Variants in CLDN14 observed in about 807,000 individuals in gnomAD.
CLDN14 encodes the protein claudin 14.
CLDN14 carries 2 observed loss-of-function variants against 2.1 expected under a neutral mutation model. The observed-to-expected ratio is 0.96, with a 90% confidence interval of 0.39 to 3.01. The LOEUF (loss-of-function observed/expected upper bound fraction) is 3.01, where lower values mean the gene tolerates loss of function less well. Ranked by LOEUF, CLDN14 falls within the 30% of genes most tolerant of loss-of-function variation. The probability of loss-of-function intolerance (pLI) is 0.09; values close to 1 mark genes in which losing one functional copy is unlikely to be tolerated. For synonymous variants in CLDN14, 136 were observed against 154.4 expected, an observed-to-expected ratio of 0.88 and a Z score of 0.88; for missense variants, 298 against 328.0, an observed-to-expected ratio of 0.91 and a Z score of 0.71.
intron 1 of CLDN14, among the ~76,000 whole-genome samples, chr21:36,530,173 T>C (rs1656282575): frequency 6.6e-6 from 1 of 152,260 alleles, no homozygotes; most frequent in African/African-American, 2.4e-5. Context: ...TGGTTTATTT[T>C]TAACAAGGGT....
chr21:36,498,164 C>G lies in CLDN14; in HGVS notation c.-82+12199G>C, dbSNP rs1014402106. On this transcript the variant is annotated intron_variant, in intron 2 of 2. Transcript: ENST00000342108. This position sits in a 1 kb window ranked among gnomAD's most constrained non-coding sequence, Gnocchi z 4.9. ...TACAGGCACCCACCACCATGCCCAGCTAATTTTTGTATTCTTAGTAGAGAT... is the reference window on the plus strand; with the variant it reads ...TACAGGCACCCACCACCATGCCCAGGTAATTTTTGTATTCTTAGTAGAGAT... 1.3e-5 allele frequency among the ~76,000 whole-genome samples: 2 copies of G among 151,878 alleles called. No homozygotes were observed. Among genetic ancestry groups the G allele is most frequent in the Non-Finnish European group, 2.9e-5 (2 of 68,010 alleles).
At chr21:36,569,136 G>A (rs1002129992) in intron 1 of CLDN14, among the ~76,000 whole-genome samples, 6 of 152,224 alleles carry the variant, frequency 3.9e-5, no homozygotes, top group South Asian at 2.1e-4. Flanking sequence ...AAATAGTCTC[G>A]GGGTGGGGGC....
At chr21:36,515,333 T>A (rs1159174436) in intron 1 of CLDN14, among the ~76,000 whole-genome samples, 1 of 152,018 alleles carries the variant, frequency 6.6e-6, no homozygotes, top group African/African-American at 2.4e-5. Flanking sequence ...AATGGATAAA[T>A]CAAATATGAT....
chr21:36,575,488 C>T (rs1423284395), intron 1 of CLDN14, among the ~76,000 whole-genome samples: 1 of 152,128 alleles, frequency 6.6e-6, no homozygotes, highest in Non-Finnish European at 1.5e-5. Flanking sequence ...GGTTTTGACT[C>T]TAGATAGCTT....
At chr21:36,478,208 T>C (rs1185159876) in intron 1 of CLDN14, among the ~76,000 whole-genome samples, 2 of 152,240 alleles carry the variant, frequency 1.3e-5, no homozygotes, top group Non-Finnish European at 2.9e-5. Flanking sequence ...TTCCTTTTTA[T>C]AGATTTTTCT....
At chr21:36,463,190 C>G (rs932229434) in intron 1 of CLDN14, among the ~76,000 whole-genome samples, 5 of 152,204 alleles carry the variant, frequency 3.3e-5, no homozygotes, top group African/African-American at 9.7e-5. Flanking sequence ...CCTGGCTGCG[C>G]CCATCCAGTG....
chr21:36,491,399 G>A lies in CLDN14; in HGVS notation c.-82+18964C>T, dbSNP rs7280279. Among the ~76,000 whole-genome samples, 373 of 152,300 alleles carry A rather than the reference G, an allele frequency of 2.4e-3. 1 individual carries two copies. Among genetic ancestry groups the A allele is most frequent in the African/African-American group, 8.3e-3 (345 of 41,568 alleles). ...AGCAACACACAAAGCTTTCAAAAGC[G>A]AAACGGCGAGGAATGTAGTGCGTGT... is the stretch of plus-strand genomic sequence containing the variant. On this transcript the variant is annotated intron_variant, in intron 2 of 2. Transcript: ENST00000342108.
chr21:36,523,746 T>TA (rs775431075), intron 1 of CLDN14, among the ~76,000 whole-genome samples: 26,481 of 42,828 alleles, frequency 0.62, 9,096 homozygotes, highest in Non-Finnish European at 0.75. Context: ...AGACTCCATC[T>TA]AAAAAAAAAA....
chr21:36,552,961 C>T (rs2087572998), intron 1 of CLDN14, among the ~76,000 whole-genome samples: 1 of 152,330 alleles, frequency 6.6e-6, no homozygotes, highest in African/African-American at 2.4e-5. Context: ...CTTGGGGGTG[C>T]AGAGGCCCCT....
chr21:36,461,437 A>T lies in CLDN14; in HGVS notation c.259T>A (p.Ser87Thr). 1 of 1,613,306 alleles carries T rather than the reference A, an allele frequency of 6.2e-7. No individual in the cohort carries two copies. Among genetic ancestry groups the T allele is most frequent in the South Asian group, 1.1e-5 (1 of 91,074 alleles). ...LQAARALMVI[S>T]CLLSGIACAC... Reference sequence around the variant, plus strand: ...CAGGCTATGCCCGAGAGCAGGCAGGAGATGACCATGAGGGCGCGGGCAGCC... The same window carrying T: ...CAGGCTATGCCCGAGAGCAGGCAGGTGATGACCATGAGGGCGCGGGCAGCC... The change falls in exon 2 of 2, where the codon TCC (serine) becomes ACC (threonine). Residue 87 changes from serine to threonine, a missense_variant. By Grantham distance (58) the Ser-to-Thr change is moderately conservative. Coordinates refer to ENST00000399135, the MANE Select transcript of CLDN14 (RefSeq NM_001146079.2).
chr21:36,570,087 A>G (rs1436906122), intron 1 of CLDN14, among the ~76,000 whole-genome samples: 1 of 152,208 alleles, frequency 6.6e-6, no homozygotes, highest in Non-Finnish European at 1.5e-5. Context: ...TTTGATCTCA[A>G]AAGGTGGGAC....
chr21:36,467,565 G>A (rs1457226831), intron 1 of CLDN14, among the ~76,000 whole-genome samples: 1 of 151,910 alleles, frequency 6.6e-6, no homozygotes, highest in African/African-American at 2.4e-5. Flanking sequence ...CCAAGTGACT[G>A]TGCCAAAGTG....
chr21:36,550,823 A>T (rs1284572197), intron 1 of CLDN14, among the ~76,000 whole-genome samples: 1 of 152,228 alleles, frequency 6.6e-6, no homozygotes, highest in African/African-American at 2.4e-5. Flanking sequence ...CACGGTCCCT[A>T]CAGAGATGGT....
intron 2 of CLDN14, among the ~76,000 whole-genome samples, chr21:36,497,411 G>GAGGA (rs1288963024): frequency 3.6e-5 from 1 of 27,678 alleles, no homozygotes; most frequent in East Asian, 9.3e-4. Flanking sequence ...GGGAGGGAGG[G>GAGGA]AGGAAGGGAG....
At chr21:36,462,070 C>T (rs1411700506) in intron 1 of CLDN14, among the ~76,000 whole-genome samples, 1 of 152,146 alleles carries the variant, frequency 6.6e-6, no homozygotes, top group African/African-American at 2.4e-5. Context: ...ATTGGCATCT[C>T]CTGTCCTTCC....
intron 2 of CLDN14, among the ~76,000 whole-genome samples, chr21:36,496,118 T>G (rs1369763813): frequency 6.6e-6 from 1 of 152,126 alleles, no homozygotes; most frequent in Non-Finnish European, 1.5e-5. Context: ...CCTAGGATGC[T>G]AATATACTGT....
At chr21:36,529,023 A>G (rs951365294) in intron 1 of CLDN14, among the ~76,000 whole-genome samples, 2 of 152,168 alleles carry the variant, frequency 1.3e-5, no homozygotes, top group Admixed American at 1.3e-4. Context: ...TTATGCACTC[A>G]TTGGTATTCA....
chr21:36,503,816 A>G (rs2087108514), intron 2 of CLDN14, among the ~76,000 whole-genome samples: 1 of 152,120 alleles, frequency 6.6e-6, no homozygotes. Flanking sequence ...ACTAAAATAT[A>G]TGCAATGAAT....
intron 1 of CLDN14, among the ~76,000 whole-genome samples, chr21:36,561,368 CT>C (rs1454899176): frequency 3.9e-5 from 6 of 152,186 alleles, no homozygotes; most frequent in African/African-American, 1.4e-4. Flanking sequence ...TTTTCTTGAC[CT>C]GTTAGGACCA....
Sources: gnomAD v4.1 joint callset for allele counts (sites outside exome capture counted in the v4.1 genomes callset) on GRCh38, gnomAD v4.1.1 for gene constraint, Gnocchi (gnomAD v3.1) non-coding constraint, MANE v1.5 for transcripts, NCBI Gene and HGNC (gene_info 2026-07-23, HGNC 2026-07-21) for gene names.